The following FLOT2 variants were observed in gnomAD, a reference collection of about 807,000 sequenced individuals.
FLOT2 encodes the protein flotillin 2.
In FLOT2, 35 loss-of-function variants were observed where a neutral mutation model predicts 54.9. The ratio of observed to expected loss-of-function variants is 0.64; its 90% confidence interval spans 0.49 to 0.84. The LOEUF is 0.84. Among genes scored for constraint, FLOT2 ranks in the 40% least tolerant of loss-of-function variants. FLOT2 has a pLI of 0.00. For missense variants in FLOT2, 464 were observed against 572.1 expected (o/e 0.81, Z 1.93); for synonymous variants, 207 against 228.9 (o/e 0.90, Z 0.86).
Position 28,880,388 on chromosome 17 carries a change from T to A in FLOT2, c.*173A>T. 6.9e-7 allele frequency: 1 copy of A among 1,446,030 alleles called. No homozygotes were observed. The highest frequency in any genetic ancestry group is 9.1e-7 in the Non-Finnish European group (1 of 1,099,764). 89.6% of individuals were successfully genotyped at this position (1,446,030 alleles called of 1,614,324 possible). On this transcript the variant is annotated 3_prime_UTR_variant, in exon 11 of 11. Coordinates refer to ENST00000394908, the MANE Select transcript of FLOT2 (RefSeq NM_004475.3). ...GGTAAAGGAGAGGAAGAGGAGGAGG[T>A]GGACAGACAGGAGAGACAGGAAGAC...
intron 2 of FLOT2, among the ~76,000 whole-genome samples, chr17:28,886,294 C>T (rs1214065513): frequency 6.6e-6 from 1 of 152,254 alleles, no homozygotes; most frequent in Admixed American, 6.5e-5. Flanking sequence ...ACCTCACTTT[C>T]CCAGGGATCC....
At chr17:28,886,766 G>A (rs1014361373) in intron 2 of FLOT2, among the ~76,000 whole-genome samples, 9 of 152,200 alleles carry the variant, frequency 5.9e-5, no homozygotes, top group Non-Finnish European at 2.9e-5. Context: ...GACAGAGGCC[G>A]AGGGTGAAGG....
chr17:28,897,484 G>C lies in FLOT2; in HGVS notation c.49+42C>G. Reference sequence around the variant, plus strand: ...CACTCCCCAGCCCTGCACCCACCCCGAGCACCCTCCACAGCTCCCACCTTC... The same window carrying C: ...CACTCCCCAGCCCTGCACCCACCCCCAGCACCCTCCACAGCTCCCACCTTC... On this transcript the variant is annotated intron_variant, in intron 1 of 10. Transcript: ENST00000394908. The surrounding 1 kb of genome is among the most constrained non-coding windows in gnomAD (Gnocchi z 4.4). 2 of 1,546,004 alleles carry C rather than the reference G, an allele frequency of 1.3e-6. No individual in the cohort carries two copies. The highest frequency in any genetic ancestry group is 8.8e-7 in the Non-Finnish European group (1 of 1,131,332).
intron 1 of FLOT2, among the ~76,000 whole-genome samples, chr17:28,891,329 G>C (rs1282831178): frequency 3.9e-5 from 6 of 152,220 alleles, no homozygotes; most frequent in Non-Finnish European, 7.3e-5. Flanking sequence ...AGGGAATAAG[G>C]CAAGTGGAGG....
At chr17:28,890,859 CTTCTTTT>C (rs1379922092) in intron 1 of FLOT2, among the ~76,000 whole-genome samples, 6 of 35,766 alleles carry the variant, frequency 1.7e-4, no homozygotes, top group Non-Finnish European at 3.4e-4. Context: ...GTTATCATTT[CTTCTTTT>C]TTTTTTTTTT....
At chr17:28,886,795 G>A (rs368557385) in intron 2 of FLOT2, among the ~76,000 whole-genome samples, 67 of 152,126 alleles carry the variant, frequency 4.4e-4, no homozygotes, top group African/African-American at 1.5e-3. Context: ...CAGGTGGAGG[G>A]GGTGATAAGG....
In FLOT2 at chr17:28,884,194, G is replaced by T; in HGVS notation, c.222+31C>A. Reference sequence around the variant, plus strand: ...CGAGTACGGGACCAGGCAGCTCAACGGACATGCGCAGGGCTGCTGAGTTAC... The same window carrying T: ...CGAGTACGGGACCAGGCAGCTCAACTGACATGCGCAGGGCTGCTGAGTTAC... On this transcript the variant is annotated intron_variant, in intron 3 of 10. Coordinates refer to ENST00000394908, the MANE Select transcript of FLOT2 (RefSeq NM_004475.3). The surrounding 1 kb of genome is among the most constrained non-coding windows in gnomAD (Gnocchi z 5.1). The T allele has an allele frequency of 6.6e-7, 1 of 1,520,488 alleles. No homozygotes were observed. The highest frequency in any genetic ancestry group is 9.1e-7 in the Non-Finnish European group (1 of 1,095,242). The allele number at this position is 1,520,488 out of a possible 1,614,324, so 94.2% of individuals were successfully genotyped here. A position where few individuals can be genotyped will look rare whatever the true frequency, so the allele number is the denominator to read the frequency against.
chr17:28,892,356 C>CT lies in FLOT2; in HGVS notation c.50-3331dup, dbSNP rs1169732012. 461 of 86,714 alleles carry CT rather than the reference C, an allele frequency of 5.3e-3. 31 individuals carry two copies. In the East Asian group the frequency reaches 0.069, roughly 13 times the overall value. 5.4% of individuals were successfully genotyped at this position (86,714 alleles called of 1,614,324 possible). On this transcript the variant is annotated intron_variant, in intron 1 of 10. Coordinates refer to ENST00000394908, the MANE Select transcript of FLOT2 (RefSeq NM_004475.3). ...GGGATGGACAGGGTAGATGGCCACT[C>CT]TTTTTTTTTTTTTTTTTTTTGAGAT... is the stretch of plus-strand genomic sequence containing the variant.
In FLOT2 at chr17:28,881,825, G is replaced by A. The variant is rs1598088517; in HGVS notation, c.903C>T (p.Ala301=). The A allele has an allele frequency of 1.2e-6, 2 of 1,613,152 alleles. No homozygotes were observed. The highest frequency in any genetic ancestry group is 8.5e-7 in the Non-Finnish European group (1 of 1,180,034). The change falls in exon 8 of 11, where the codon GCC becomes GCT. Residue 301 remains alanine, a synonymous_variant. Coordinates refer to ENST00000394908, the MANE Select transcript of FLOT2 (RefSeq NM_004475.3). The part of the protein sequence containing the change: ...EAEAHRIQQI[A]EGEKVKQVLL... ...TGGGCGGCTCTCACTTTTCACCCTC[G>A]GCAATCTGCTGGATGCGGTGGGCCT...
At position 28,879,765 on chromosome 17, in the gene FLOT2, C is replaced by T. The variant is rs1338722664; in HGVS notation, c.*796G>A. On this transcript the variant is annotated 3_prime_UTR_variant, in exon 11 of 11. Transcript: ENST00000394908. ...CTTTTCTGTCCCCAACAGGGCTAGA[C>T]CCTCATCTCAGAAAACTTAGCAGAG... The T allele has an allele frequency of 3.2e-5, 32 of 985,992 alleles. No individual in the cohort carries two copies. Among genetic ancestry groups the T allele is most frequent in the Admixed American group, 6.1e-5 (1 of 16,276 alleles). 61.1% of individuals were successfully genotyped at this position (985,992 alleles called of 1,614,324 possible).
At chr17:28,881,551 C>T (rs2039448134) in intron 8 of FLOT2, among the ~76,000 whole-genome samples, 176 bp from the exon 9 acceptor site, 1 of 152,350 alleles carries the variant, frequency 6.6e-6, no homozygotes, top group African/African-American at 2.4e-5. Context: ...GCCACCGGCT[C>T]CCATCTGTAA....
rs1163965599 is a variant in FLOT2, at chr17:28,883,206, A to AGTTC, written c.244_247dup (p.Leu83ArgfsTer8). The AGTTC allele has an allele frequency of 6.2e-7, 1 of 1,613,954 alleles. No homozygotes were observed. Among genetic ancestry groups the AGTTC allele is most frequent in the African/African-American group, 1.3e-5 (1 of 74,920 alleles). The stretch of plus-strand genomic sequence containing the variant: ...AAACTGCTCACAAGCCACGGCCAGG[A>AGTTC]GTTCCTTCTCCGTCATGATCTTCAC... On this transcript the variant is annotated frameshift_variant, in exon 4 of 11. Transcript: ENST00000394908. LOFTEE classifies it high-confidence loss of function. The surrounding 1 kb of genome is among the most constrained non-coding windows in gnomAD (Gnocchi z 5.0).
In FLOT2 at chr17:28,879,712, C is replaced by T. The variant is rs2039416104; in HGVS notation, c.*849G>A. 1.0e-6 allele frequency: 1 copy of T among 986,078 alleles called. No individual in the cohort carries two copies. Among genetic ancestry groups the T allele is most frequent in the Non-Finnish European group, 1.2e-6 (1 of 830,126 alleles). The allele number at this position is 986,078 out of a possible 1,614,324, so 61.1% of individuals were successfully genotyped here. ...GAAGGGCCCAACACCCAGGACAGTG[C>T]AGCCCTAGCAGGAAGAAGGTCTACA... On this transcript the variant is annotated 3_prime_UTR_variant, in exon 11 of 11. Coordinates refer to ENST00000394908, the MANE Select transcript of FLOT2 (RefSeq NM_004475.3).
At position 28,882,761 on chromosome 17, in the gene FLOT2, T is replaced by C. The variant is rs1598090093; in HGVS notation, c.347-70A>G. 5 of 1,039,270 alleles carry C rather than the reference T, an allele frequency of 4.8e-6. No individual in the cohort carries two copies. In the East Asian group the frequency reaches 1.2e-4, roughly 25 times the overall value. 64.4% of individuals were successfully genotyped at this position (1,039,270 alleles called of 1,614,324 possible). A position where few individuals can be genotyped will look rare whatever the true frequency, so the allele number is the denominator to read the frequency against. The stretch of plus-strand genomic sequence containing the variant: ...AGCTGGGGAAGGGAGGAGGCATGCA[T>C]GTAGAGGTAGGGGTGCATGCGGGGT... On this transcript the variant is annotated intron_variant, in intron 4 of 10. Transcript: ENST00000394908. This position sits in a 1 kb window ranked among gnomAD's most constrained non-coding sequence, Gnocchi z 5.6.
intron 1 of FLOT2, among the ~76,000 whole-genome samples, chr17:28,890,020 G>C (rs1224855126): frequency 6.6e-6 from 1 of 152,146 alleles, no homozygotes; most frequent in Non-Finnish European, 1.5e-5. Flanking sequence ...TAGACAGAGA[G>C]GGAACGCAGA....
Position 28,879,974 on chromosome 17 carries a change from G to T in FLOT2, c.*587C>A. Reference sequence around the variant, plus strand: ...ATGAGCGCTGGCTGGGGCCTTGGGTGGATGAGGGGAAGGACAGTGTCTCTG... The same window carrying T: ...ATGAGCGCTGGCTGGGGCCTTGGGTTGATGAGGGGAAGGACAGTGTCTCTG... On this transcript the variant is annotated 3_prime_UTR_variant, in exon 11 of 11. Transcript: ENST00000394908. The T allele has an allele frequency of 1.0e-6, 1 of 987,596 alleles. No homozygotes were observed. The highest frequency in any genetic ancestry group is 1.2e-6 in the Non-Finnish European group (1 of 831,400). The allele number at this position is 987,596 out of a possible 1,614,324, so 61.2% of individuals were successfully genotyped here.
chr17:28,895,861 C>G (rs1437882911), intron 1 of FLOT2, among the ~76,000 whole-genome samples: 1 of 152,166 alleles, frequency 6.6e-6, no homozygotes, highest in African/African-American at 2.4e-5. Context: ...GATGTATTAG[C>G]ATCCTCCTTC....
In FLOT2 at chr17:28,883,178, C is replaced by T. The variant is rs768728482; in HGVS notation, c.276G>A (p.Leu92=). The change falls in exon 4 of 11, where the codon CTG becomes CTA. Residue 92 remains leucine (L), a synonymous_variant. Coordinates refer to ENST00000394908, the MANE Select transcript of FLOT2 (RefSeq NM_004475.3). This position sits in a 1 kb window ranked among gnomAD's most constrained non-coding sequence, Gnocchi z 5.0. Reference sequence around the variant, plus strand: ...TTTTGATGTCCTGCACATTCTTACCCAGAAACTGCTCACAAGCCACGGCCA... The same window carrying T: ...TTTTGATGTCCTGCACATTCTTACCTAGAAACTGCTCACAAGCCACGGCCA... ...ELLAVACEQF[L]GKNVQDIKNV... is the part of the protein sequence containing the mutation. 57 of 1,613,996 alleles carry T rather than the reference C, an allele frequency of 3.5e-5. No homozygotes were observed. In the Middle Eastern group the frequency reaches 8.2e-4, roughly 23 times the overall value.
At position 28,882,378 on chromosome 17, in the gene FLOT2, C is replaced by T. The variant is rs200865799; in HGVS notation, c.538G>A (p.Asp180Asn). 17 of 1,614,126 alleles carry T rather than the reference C, an allele frequency of 1.1e-5. No homozygotes were observed. The East Asian group carries it at 3.6e-4, about 34-fold the overall frequency. ...TQTAVVQRDADIGVAEAERDA... is the reference protein window; with the variant it reads ...TQTAVVQRDANIGVAEAERDA... ...CGTTCAGCCTCGGCCACGCCAATGTCAGCATCTCTCTGCACCACGGCAGTC... is the reference window on the plus strand; with the variant it reads ...CGTTCAGCCTCGGCCACGCCAATGTTAGCATCTCTCTGCACCACGGCAGTC... The change falls in exon 6 of 11, where the codon GAC becomes AAC. Residue 180 changes from aspartate (D) to asparagine (N), a missense_variant. Coordinates refer to ENST00000394908, the MANE Select transcript of FLOT2 (RefSeq NM_004475.3). This position sits in a 1 kb window ranked among gnomAD's most constrained non-coding sequence, Gnocchi z 5.6.
Sources: gnomAD v4.1 joint callset for allele counts (sites outside exome capture counted in the v4.1 genomes callset) on GRCh38, gnomAD v4.1.1 for gene constraint, Gnocchi (gnomAD v3.1) non-coding constraint, MANE v1.5 for transcripts, NCBI Gene and HGNC (gene_info 2026-07-23, HGNC 2026-07-21) for gene names.